The following ZNF568 variants were observed in gnomAD, a reference collection of about 807,000 sequenced individuals.
ZNF568 encodes the protein zinc finger protein 568, also known as p53 inhibitor of SCO2 activation.
Under a neutral mutation model 18.1 loss-of-function variants are expected in ZNF568, and 11 were observed. The observed-to-expected ratio is 0.61, with a 90% CI of 0.38 to 1.00. The LOEUF (loss-of-function observed/expected upper bound fraction) is 1.00. Among genes scored for constraint, ZNF568 ranks in the 50% least tolerant of loss-of-function variants. ZNF568 has a pLI of 0.01. For synonymous variants in ZNF568, 213 were observed against 246.6 expected, an observed-to-expected ratio of 0.86 and a Z score of 1.28; for missense variants, 639 against 768.2, an observed-to-expected ratio of 0.83 and a Z score of 1.99.
chr19:36,986,770 C>T (rs894858583), intron 2 of ZNF568, among the ~76,000 whole-genome samples: 33 of 152,164 alleles, frequency 2.2e-4, no homozygotes, highest in African/African-American at 8.0e-4. Flanking sequence ...ACAGCTGCTC[C>T]TCTCTTCCCA....
rs2074031295 is a variant in ZNF568, at chr19:36,950,037, G to A, written c.884G>A (p.Arg295Lys). Residue 295 changes from arginine to lysine, a missense_variant, in exon 7 of 7, where the codon AGA becomes AAA. Physicochemically the swap from Arg to Lys is conservative, Grantham distance 26. Transcript: ENST00000333987. ...KAFIQMSNLI[R>K]HHRIHTGEKP... ...TTCATTCAGATGTCAAACCTTATTA[G>A]ACACCACAGAATTCATACTGGGGAG... The A allele has an allele frequency of 6.2e-7, 1 of 1,613,550 alleles. No individual in the cohort carries two copies. Among genetic ancestry groups the A allele is most frequent in the Non-Finnish European group, 8.5e-7 (1 of 1,179,830 alleles).
chr19:36,972,353 G>A (rs1227833646), intron 6 of ZNF568, among the ~76,000 whole-genome samples: 2 of 151,912 alleles, frequency 1.3e-5, no homozygotes, highest in African/African-American at 4.8e-5. Flanking sequence ...AAATAATGAC[G>A]TTGCAGCCCA....
At position 36,950,381 on chromosome 19, in the gene ZNF568, A is replaced by G. The variant is rs775491730; in HGVS notation, c.1228A>G (p.Arg410Gly). Residue 410 changes from arginine to glycine, a missense_variant, in exon 7 of 7, where the codon AGA becomes GGA. Physicochemically the swap from Arg to Gly is moderately radical, Grantham distance 125. Coordinates refer to ENST00000333987, the MANE Select transcript of ZNF568 (RefSeq NM_198539.4). ...ATGCTCAGTATTTATTATACATATG[A>G]GAAGTCACACTGGTGAGAAACCCTA... ...SQCSVFIIHM[R>G]SHTGEKPYVC... 10 of 1,613,960 alleles carry G rather than the reference A, an allele frequency of 6.2e-6. No individual in the cohort carries two copies. The highest frequency in any genetic ancestry group is 8.5e-6 in the Non-Finnish European group (10 of 1,179,906).
chr19:36,922,663 G>C lies in ZNF568; in HGVS notation c.-108G>C. ...GAACAGGTGTCTTATCATGGAAGGA[G>C]ACCTGACCTGAGACCTGCCTTAGAG... On this transcript the variant is annotated 5_prime_UTR_variant, in exon 3 of 7. Coordinates refer to ENST00000333987, the MANE Select transcript of ZNF568 (RefSeq NM_198539.4). 1.2e-6 allele frequency: 1 copy of C among 802,464 alleles called. No individual in the cohort carries two copies. The highest frequency in any genetic ancestry group is 2.6e-5 in the East Asian group (1 of 39,206). The allele number at this position is 802,464 out of a possible 1,614,324, so 49.7% of individuals were successfully genotyped here. A position where few individuals can be genotyped will look rare whatever the true frequency, so the allele number is the denominator to read the frequency against.
Position 36,979,019 on chromosome 19 carries a change from T to C in ZNF568, c.421T>C (p.Cys141Arg), listed in dbSNP as rs569996069. 7.1e-5 allele frequency: 24 copies of C among 340,340 alleles called. 1 individual carries two copies. The highest frequency in any genetic ancestry group is 1.1e-3 in the Middle Eastern group (1 of 928). The allele number at this position is 340,340 out of a possible 1,614,324, so 21.1% of individuals were successfully genotyped here. The change falls in exon 8 of 8, where the codon TGT (cysteine) becomes CGT (arginine). Residue 141 changes from cysteine (C) to arginine (R), a missense_variant. Transcript: ENST00000427117. ...TTTTTTTGAGATGGAGTTTTGCCCT[T>C]GTTGCCCAGGCTGGAGTGCAATGGC... is the stretch of plus-strand genomic sequence containing the variant.
At chr19:36,964,108 T>C (rs1224320636) in intron 6 of ZNF568, among the ~76,000 whole-genome samples, 1 of 151,420 alleles carries the variant, frequency 6.6e-6, no homozygotes. Flanking sequence ...TCTTGTTACA[T>C]AGTGGGCAGT....
downstream of ZNF568, among the ~76,000 whole-genome samples, chr19:36,957,031 C>T (rs2074112211): frequency 6.6e-6 from 1 of 152,008 alleles, no homozygotes; most frequent in African/African-American, 2.4e-5. Context: ...GTCATTGTTA[C>T]ACAACTTTCA....
intron 6 of ZNF568, among the ~76,000 whole-genome samples, chr19:36,968,379 C>T (rs1272365439): frequency 6.6e-6 from 1 of 151,808 alleles, no homozygotes; most frequent in Non-Finnish European, 1.5e-5. Context: ...TCAAGACCAG[C>T]CTGGCCAACA....
chr19:36,994,027 CTT>C (rs957436024), intron 4 of ZNF568, among the ~76,000 whole-genome samples: 1 of 133,294 alleles, frequency 7.5e-6, no homozygotes, highest in Non-Finnish European at 1.6e-5. Flanking sequence ...GTTTTTTTTT[CTT>C]TTTTTTTTTA....
At chr19:36,923,238 A>G (rs1232733419) in intron 3 of ZNF568, among the ~76,000 whole-genome samples, 1 of 152,088 alleles carries the variant, frequency 6.6e-6, no homozygotes, top group Non-Finnish European at 1.5e-5. Context: ...TCTCAGTTTT[A>G]GATATTTCCT....
chr19:36,968,503 C>A (rs1322595592), intron 6 of ZNF568, among the ~76,000 whole-genome samples: 1 of 147,698 alleles, frequency 6.8e-6, no homozygotes, highest in African/African-American at 2.5e-5. Context: ...GAGATTGCGC[C>A]ACTGCACTCC....
chr19:36,918,815 G>A (rs1366620354), intron 2 of ZNF568, among the ~76,000 whole-genome samples: 1 of 152,024 alleles, frequency 6.6e-6, no homozygotes, highest in Non-Finnish European at 1.5e-5. Context: ...CCGGCCTATG[G>A]CATCTACCAT....
At chr19:36,960,014 A>G (rs1464797571) in intron 6 of ZNF568, among the ~76,000 whole-genome samples, 1 of 121,652 alleles carries the variant, frequency 8.2e-6, no homozygotes, top group Non-Finnish European at 1.8e-5. Flanking sequence ...TCTGATCTTT[A>G]TTATTTCTTT....
chr19:36,977,553 C>T lies in ZNF568; in HGVS notation c.406-1451C>T, dbSNP rs193203850. Among the ~76,000 whole-genome samples, 973 of 152,236 alleles carry T rather than the reference C, an allele frequency of 6.4e-3. 6 individuals carry two copies. The highest frequency in any genetic ancestry group is 0.02 in the Middle Eastern group (6 of 294). On this transcript the variant is annotated intron_variant, in intron 7 of 7. Coordinates refer to the ZNF568 transcript ENST00000427117. ...ATTCTGAATTAATCAGTTTCTTTCT[C>T]TTTGATTTTTCTTCAGAATTCTGTA...
chr19:36,971,163 G>A (rs1339903357), intron 6 of ZNF568, among the ~76,000 whole-genome samples: 1 of 151,890 alleles, frequency 6.6e-6, no homozygotes, highest in Admixed American at 6.6e-5. Flanking sequence ...AACCCGGGAG[G>A]CAGAGGTTGC....
chr19:36,995,893 A>G (rs1396189073), intron 4 of ZNF568, among the ~76,000 whole-genome samples: 2 of 152,320 alleles, frequency 1.3e-5, no homozygotes, highest in Non-Finnish European at 2.9e-5. Flanking sequence ...TTATAAGCCA[A>G]TATTGGCAGG....
At chr19:36,938,211 A>G (rs2073821750) in intron 6 of ZNF568, among the ~76,000 whole-genome samples, 1 of 152,166 alleles carries the variant, frequency 6.6e-6, no homozygotes, top group East Asian at 1.9e-4. Context: ...TCCTTTAGAA[A>G]TGGAGCTTTC....
At chr19:36,930,854 A>G (rs1348051726) in intron 4 of ZNF568, among the ~76,000 whole-genome samples, 1 of 152,214 alleles carries the variant, frequency 6.6e-6, no homozygotes, top group Admixed American at 6.5e-5. Flanking sequence ...GTTTGAACCC[A>G]TGACATTGGA....
rs386388962 is a variant in ZNF568 at position 36,939,532 on chromosome 19, CTTTTTTTTTT to C, written c.358+2306_358+2315del. On this transcript the variant is annotated intron_variant, in intron 6 of 6. Transcript: ENST00000333987. ...GGTTCATTGAAGATGTATTTTCTTTCTTTTTTTTTTTTTTTTTTTTTTTTTGAGACGGAGT... is the reference window on the plus strand; with the variant it reads ...GGTTCATTGAAGATGTATTTTCTTTCTTTTTTTTTTTTTTTGAGACGGAGT... Among the ~76,000 whole-genome samples the C allele has an allele frequency of 5.4e-5, 5 of 93,068 alleles. No homozygotes were observed. In the South Asian group the frequency reaches 1.7e-3, roughly 31 times the overall value. The allele number at this position is 93,068 out of a possible 152,430, so 61.1% of individuals were successfully genotyped here.
Sources: allele counts gnomAD v4.1 joint callset (sites outside exome capture counted in the v4.1 genomes callset), GRCh38; gene constraint gnomAD v4.1.1; transcripts MANE v1.5; gene names NCBI Gene and HGNC (gene_info 2026-07-23, HGNC 2026-07-21).